The following MEOX1 variants were observed in gnomAD, a reference collection of about 807,000 sequenced individuals.
MEOX1 encodes the protein mesenchyme homeobox 1.
In MEOX1, 17 loss-of-function variants were observed where a neutral mutation model predicts 23.2. That is an observed-to-expected ratio of 0.73 (90% confidence interval 0.50 to 1.10). MEOX1 has a LOEUF of 1.10. MEOX1 is among the 50% of genes least tolerant of loss of function. MEOX1 has a pLI of 0.00. For synonymous variants in MEOX1, 134 were observed against 135.1 expected, an observed-to-expected ratio of 0.99 and a Z score of 0.06; for missense variants, 333 against 332.2, an observed-to-expected ratio of 1.00 and a Z score of -0.02.
chr17:43,661,616 G>GA lies in MEOX1; in HGVS notation c.-83dup, dbSNP rs940414199. ...TGTTCAAATTTTTAAAAATGCAAAAGAAAAAAAACTAAATAGGAGGGAAAA... is the reference window on the plus strand; with the variant it reads ...TGTTCAAATTTTTAAAAATGCAAAAGAAAAAAAAACTAAATAGGAGGGAAAA... On this transcript the variant is annotated 5_prime_UTR_variant, in exon 1 of 3. Transcript: ENST00000318579. 50 of 666,168 alleles carry GA rather than the reference G, an allele frequency of 7.5e-5. No homozygotes were observed. Among genetic ancestry groups the GA allele is most frequent in the Non-Finnish European group, 9.4e-5 (47 of 498,494 alleles). 41.3% of individuals were successfully genotyped at this position (666,168 alleles called of 1,614,324 possible).
chr17:43,654,664 A>C (rs1181460234), intron 1 of MEOX1, among the ~76,000 whole-genome samples: 7 of 152,208 alleles, frequency 4.6e-5, no homozygotes, highest in Non-Finnish European at 1.0e-4. Context: ...TCTATATTTT[A>C]TTCTAATAAT....
Position 43,641,762 on chromosome 17 carries a change from G to C in MEOX1, c.*148C>G, listed in dbSNP as rs999942243. The C allele has an allele frequency of 4.4e-5, 35 of 801,028 alleles. No individual in the cohort carries two copies. In the African/African-American group the frequency reaches 5.7e-4, roughly 13 times the overall value. 49.6% of individuals were successfully genotyped at this position (801,028 alleles called of 1,614,324 possible). On this transcript the variant is annotated 3_prime_UTR_variant, in exon 3 of 3. Transcript: ENST00000318579. ...TCCTAGAAAATCCTAAGACTCCCAGGAATGCTGGGCAGTTTCATATCCAAG... is the reference window on the plus strand; with the variant it reads ...TCCTAGAAAATCCTAAGACTCCCAGCAATGCTGGGCAGTTTCATATCCAAG...
chr17:43,661,670 C>CA lies in MEOX1; in HGVS notation c.-137_-136insT, dbSNP rs1973148652. On this transcript the variant is annotated 5_prime_UTR_variant, in exon 1 of 3. Coordinates refer to ENST00000318579, the MANE Select transcript of MEOX1 (RefSeq NM_004527.4). ...TTCAACAGAAAATTTACCCCAGGAA[C>CA]CAAAAAAAAAAAAAAACCCAAAACT... 5.2e-5 allele frequency: 25 copies of CA among 479,588 alleles called. No homozygotes were observed. Among genetic ancestry groups the CA allele is most frequent in the South Asian group, 1.8e-4 (3 of 16,596 alleles). The allele number at this position is 479,588 out of a possible 1,614,324, so 29.7% of individuals were successfully genotyped here.
intron 1 of MEOX1, among the ~76,000 whole-genome samples, chr17:43,658,650 C>G (rs1973084565): frequency 6.6e-6 from 1 of 152,032 alleles, no homozygotes; most frequent in Non-Finnish European, 1.5e-5. Context: ...GTGGGGGGCT[C>G]TCTGTGGGTT....
At chr17:43,660,905 A>G (rs1301084769) in intron 1 of MEOX1, among the ~76,000 whole-genome samples, 161 bp downstream of exon 1, 1 of 152,082 alleles carries the variant, frequency 6.6e-6, no homozygotes, top group Non-Finnish European at 1.5e-5. Context: ...AGAATCCTAG[A>G]ACTCTCAGTG....
At chr17:43,650,781 C>T (rs554689860) in intron 1 of MEOX1, among the ~76,000 whole-genome samples, 1 of 152,158 alleles carries the variant, frequency 6.6e-6, no homozygotes, top group Non-Finnish European at 1.5e-5. Flanking sequence ...GGTCAAAGCC[C>T]GTCGAAATAG....
rs532129534 is a variant in MEOX1, at chr17:43,641,657, G to A, written c.*253C>T. On this transcript the variant is annotated 3_prime_UTR_variant, in exon 3 of 3. Transcript: ENST00000318579. ...AGCTGTTTCCAGATTCATCCGGCCCGGTAGGATCTCTGTCTGATTCCATGA... is the reference window on the plus strand; with the variant it reads ...AGCTGTTTCCAGATTCATCCGGCCCAGTAGGATCTCTGTCTGATTCCATGA... 29 of 400,730 alleles carry A rather than the reference G, an allele frequency of 7.2e-5. No individual in the cohort carries two copies. Among genetic ancestry groups the A allele is most frequent in the East Asian group, 6.7e-4 (15 of 22,528 alleles). 24.8% of individuals were successfully genotyped at this position (400,730 alleles called of 1,614,324 possible).
At chr17:43,647,611 C>T (rs1256894326) in intron 1 of MEOX1, among the ~76,000 whole-genome samples, 1 of 152,184 alleles carries the variant, frequency 6.6e-6, no homozygotes, top group Non-Finnish European at 1.5e-5. Flanking sequence ...CCCACATCTA[C>T]CCTCCTCCAA....
chr17:43,643,367 T>C, intron 2 of MEOX1, 121 bp downstream of exon 2: 1 of 966,868 alleles, frequency 1.0e-6, no homozygotes, highest in Non-Finnish European at 1.5e-6. Flanking sequence ...TGGCCACAGT[T>C]GAAAACCGCT....
At position 43,643,600 on chromosome 17, in the gene MEOX1, G is replaced by A. The variant is rs1972743983; in HGVS notation, c.530C>T (p.Ala177Val). 2 of 1,613,240 alleles carry A rather than the reference G, an allele frequency of 1.2e-6. No individual in the cohort carries two copies. The highest frequency in any genetic ancestry group is 1.3e-5 in the African/African-American group (1 of 74,888). The change falls in exon 2 of 3, where the codon GCC becomes GTC. Residue 177 changes from alanine to valine, a missense_variant. Coordinates refer to ENST00000318579, the MANE Select transcript of MEOX1 (RefSeq NM_004527.4). ...GSSKARKERT[A>V]FTKEQLRELE... ...CTCTCGCAGCTGCTCCTTGGTGAAGGCCGTCCTCTCCTTGCGGGCTTTGCT... is the reference window on the plus strand; with the variant it reads ...CTCTCGCAGCTGCTCCTTGGTGAAGACCGTCCTCTCCTTGCGGGCTTTGCT...
chr17:43,641,915 C>G lies in MEOX1; in HGVS notation c.760G>C (p.Glu254Gln), dbSNP rs768717323. The G allele has an allele frequency of 1.9e-6, 3 of 1,612,604 alleles. No individual in the cohort carries two copies. The highest frequency in any genetic ancestry group is 4.5e-5 in the East Asian group (2 of 44,830). Residue 254 changes from glutamate (E) to glutamine (Q), a missense_variant, in exon 3 of 3, where the codon GAG (glutamate) becomes CAG (glutamine). Transcript: ENST00000318579. ...TTTTTCCTCCATGCAGAATCTCACT[C>G]TGAACTTGGAGAGGCTGTGGAGTCC... is the stretch of plus-strand genomic sequence containing the variant. Reference protein sequence around the residue: ...DGDSTASPSSE With the variant: ...DGDSTASPSSQ
At chr17:43,656,857 G>A (rs942225130) in intron 1 of MEOX1, among the ~76,000 whole-genome samples, 11 of 151,998 alleles carry the variant, frequency 7.2e-5, no homozygotes, top group African/African-American at 2.4e-4. Flanking sequence ...GCCAGCAGGG[G>A]TCTTTAATCC....
At chr17:43,651,738 T>G (rs1972920183) in intron 1 of MEOX1, among the ~76,000 whole-genome samples, 1 of 152,110 alleles carries the variant, frequency 6.6e-6, no homozygotes, top group South Asian at 2.1e-4. Flanking sequence ...TTATCCCCCC[T>G]CCCTGGGCCC....
rs1316258576 is a variant in MEOX1 at position 43,641,109 on chromosome 17, C to G, written c.*801G>C. The G allele has an allele frequency of 1.3e-5, 2 of 152,178 alleles. No homozygotes were observed. Among genetic ancestry groups the G allele is most frequent in the Non-Finnish European group, 2.9e-5 (2 of 68,026 alleles). The allele number at this position is 152,178 out of a possible 1,614,324, so 9.4% of individuals were successfully genotyped here. A position where few individuals can be genotyped will look rare whatever the true frequency, so the allele number is the denominator to read the frequency against. On this transcript the variant is annotated 3_prime_UTR_variant, in exon 3 of 3. Transcript: ENST00000318579. ...GTAGCTGCTCCTTTTCTCTGGAGCA[C>G]AGCCCAACAGCCCCTGCTGTATCCC...
chr17:43,643,580 G>C lies in MEOX1; in HGVS notation c.550C>G (p.Arg184Gly). 1 of 1,612,920 alleles carries C rather than the reference G, an allele frequency of 6.2e-7. No homozygotes were observed. The highest frequency in any genetic ancestry group is 8.5e-7 in the Non-Finnish European group (1 of 1,179,664). Residue 184 changes from arginine (R) to glycine (G), a missense_variant, in exon 2 of 3, where the codon CGA (arginine) becomes GGA (glycine). By Grantham distance (125) the Arg-to-Gly change is moderately radical (BLOSUM62 -2). Coordinates refer to ENST00000318579, the MANE Select transcript of MEOX1 (RefSeq NM_004527.4). ...ERTAFTKEQL[R>G]ELEAEFAHHN... ...TGGGCAAACTCTGCCTCCAGCTCTC[G>C]CAGCTGCTCCTTGGTGAAGGCCGTC...
chr17:43,651,014 C>T (rs1466493297), intron 1 of MEOX1, among the ~76,000 whole-genome samples: 1 of 152,094 alleles, frequency 6.6e-6, no homozygotes, highest in East Asian at 1.9e-4. Context: ...GCAGGTTCTT[C>T]TGGAATGAAA....
At position 43,643,579 on chromosome 17, in the gene MEOX1, C is replaced by T. The variant is rs142958823; in HGVS notation, c.551G>A (p.Arg184Gln). 6.1e-5 allele frequency: 99 copies of T among 1,612,762 alleles called. No homozygotes were observed. Among genetic ancestry groups the T allele is most frequent in the South Asian group, 3.3e-5 (3 of 90,548 alleles). ...ERTAFTKEQL[R>Q]ELEAEFAHHN... is the part of the protein sequence containing the mutation. ...ATGGGCAAACTCTGCCTCCAGCTCT[C>T]GCAGCTGCTCCTTGGTGAAGGCCGT... The change falls in exon 2 of 3, where the codon CGA becomes CAA. Residue 184 changes from arginine to glutamine, a missense_variant. Coordinates refer to ENST00000318579, the MANE Select transcript of MEOX1 (RefSeq NM_004527.4).
chr17:43,649,102 G>C (rs1178505628), intron 1 of MEOX1, among the ~76,000 whole-genome samples: 2 of 152,200 alleles, frequency 1.3e-5, no homozygotes, highest in South Asian at 4.1e-4. Context: ...GCTGGATAGC[G>C]GGCGTTAACA....
rs1284251114 is a variant in MEOX1 at position 43,661,616 on chromosome 17, G to T, written c.-82C>A. 7.5e-6 allele frequency: 5 copies of T among 666,280 alleles called. No homozygotes were observed. The highest frequency in any genetic ancestry group is 5.7e-5 in the Admixed American group (1 of 17,486). The allele number at this position is 666,280 out of a possible 1,614,324, so 41.3% of individuals were successfully genotyped here. On this transcript the variant is annotated 5_prime_UTR_variant, in exon 1 of 3. Transcript: ENST00000318579. Reference sequence around the variant, plus strand: ...TGTTCAAATTTTTAAAAATGCAAAAGAAAAAAAACTAAATAGGAGGGAAAA... The same window carrying T: ...TGTTCAAATTTTTAAAAATGCAAAATAAAAAAAACTAAATAGGAGGGAAAA...
Sources: allele counts gnomAD v4.1 joint callset (sites outside exome capture counted in the v4.1 genomes callset), GRCh38; gene constraint gnomAD v4.1.1; transcripts MANE v1.5; gene names NCBI Gene and HGNC (gene_info 2026-07-23, HGNC 2026-07-21).